CWC27: variants seen among roughly 807,000 people sequenced by gnomAD.
CWC27 encodes CWC27 spliceosome associated cyclophilin, also known as spliceosome-associated protein CWC27 homolog.
A neutral mutation model predicts 63.6 loss-of-function variants in CWC27; 47 were observed. That is an observed-to-expected ratio of 0.74 (90% CI 0.58 to 0.94). CWC27 has a LOEUF of 0.94. Among genes scored for constraint, CWC27 ranks in the 40% least tolerant of loss-of-function variants. The pLI, the probability that CWC27 is intolerant of heterozygous loss-of-function variation, is 0.00. For synonymous variants in CWC27, 175 were observed against 179.8 expected (o/e 0.97, Z 0.22); for missense variants, 495 against 554.3 (o/e 0.89, Z 1.07).
intron 13 of CWC27, among the ~76,000 whole-genome samples, chr5:64,997,535 A>G (rs1441913792): frequency 6.6e-6 from 1 of 152,140 alleles, no homozygotes. Context: ...TACCATTTCT[A>G]TAATATTTGA....
intron 10 of CWC27, among the ~76,000 whole-genome samples, chr5:64,840,387 AAAAAAAAATATATATAT>A (rs1745787905): frequency 3.8e-5 from 2 of 52,930 alleles, no homozygotes; most frequent in African/African-American, 1.6e-4. Context: ...AAAAAAAAAA[AAAAAAAAATATATATAT>A]ATATATATAT....
At chr5:64,881,987 A>G (rs923524808) in intron 10 of CWC27, among the ~76,000 whole-genome samples, 9 of 152,210 alleles carry the variant, frequency 5.9e-5, no homozygotes, top group African/African-American at 2.2e-4. Flanking sequence ...TAAATGGAAG[A>G]TGTGTTTGCT....
chr5:64,869,010 T>C (rs1324137558), intron 10 of CWC27, among the ~76,000 whole-genome samples: 1 of 152,092 alleles, frequency 6.6e-6, no homozygotes, highest in Admixed American at 6.6e-5. Flanking sequence ...TATGTACACA[T>C]ACTTGGAACA....
intron 11 of CWC27, among the ~76,000 whole-genome samples, chr5:64,944,584 T>C (rs1337617170): frequency 6.6e-6 from 1 of 152,236 alleles, no homozygotes; most frequent in Non-Finnish European, 1.5e-5. Context: ...TGATCTTATA[T>C]TTCAAACCTG....
intron 10 of CWC27, among the ~76,000 whole-genome samples, chr5:64,841,036 T>G (rs1745821158): frequency 6.6e-6 from 1 of 152,230 alleles, no homozygotes; most frequent in Non-Finnish European, 1.5e-5. Flanking sequence ...TCTTACCAAA[T>G]TTATACCCTG....
intron 10 of CWC27, among the ~76,000 whole-genome samples, chr5:64,869,305 A>T (rs1746608190): frequency 1.3e-5 from 2 of 152,058 alleles, no homozygotes; most frequent in Admixed American, 6.6e-5. Flanking sequence ...AATATAAATA[A>T]AGCATCTTTT....
chr5:64,935,902 T>C (rs1436260089), intron 11 of CWC27, among the ~76,000 whole-genome samples: 1 of 152,190 alleles, frequency 6.6e-6, no homozygotes, highest in Admixed American at 6.5e-5. Context: ...TCTCTGTTTG[T>C]CTATTATTGA....
intron 12 of CWC27, among the ~76,000 whole-genome samples, chr5:64,973,141 G>A (rs1304483126): frequency 1.3e-5 from 2 of 152,122 alleles, no homozygotes; most frequent in African/African-American, 4.8e-5. Flanking sequence ...AAATATGATT[G>A]TAACATAAAC....
chr5:65,006,795 C>T (rs1749849427), intron 13 of CWC27, among the ~76,000 whole-genome samples: 1 of 151,686 alleles, frequency 6.6e-6, no homozygotes, highest in Admixed American at 6.6e-5. Context: ...TCATGGAAAG[C>T]AAGAAATAAA....
At chr5:65,007,871 G>A (rs1262981012) in intron 13 of CWC27, among the ~76,000 whole-genome samples, 2 of 151,882 alleles carry the variant, frequency 1.3e-5, no homozygotes, top group South Asian at 2.1e-4. Flanking sequence ...CTCGTGATCC[G>A]CCCGCCTCGG....
At chr5:64,791,131 G>T (rs1456928677) in intron 7 of CWC27, among the ~76,000 whole-genome samples, 5 of 152,172 alleles carry the variant, frequency 3.3e-5, no homozygotes, top group Non-Finnish European at 7.4e-5. Flanking sequence ...GTCCTGGATA[G>T]TTAGGTTGAG....
At chr5:64,911,935 G>A (rs532426971) in intron 11 of CWC27, among the ~76,000 whole-genome samples, 9 of 152,052 alleles carry the variant, frequency 5.9e-5, no homozygotes, top group South Asian at 4.2e-4. Flanking sequence ...TTAGCCAACC[G>A]TGATGGCGGG....
rs532750617 is a variant in CWC27, at chr5:64,835,123, T to G, written c.938+30737T>G. 2.2e-4 allele frequency among the ~76,000 whole-genome samples: 34 copies of G among 151,942 alleles called. 1 individual carries two copies. In the Middle Eastern group the frequency reaches 0.027, roughly 122 times the overall value. ...ATAAGGGTAATTTTATTTATTTTTG[T>G]GAATAAAAAGCTATCATTTCAGGCA... On this transcript the variant is annotated intron_variant, in intron 10 of 13. Transcript: ENST00000381070.
chr5:64,979,781 C>G (rs1391218467), intron 13 of CWC27, among the ~76,000 whole-genome samples: 1 of 152,010 alleles, frequency 6.6e-6, no homozygotes, highest in Non-Finnish European at 1.5e-5. Flanking sequence ...TTTTATGTGT[C>G]CACATGAGTG....
chr5:64,869,969 C>G (rs573682616), intron 10 of CWC27, among the ~76,000 whole-genome samples: 2 of 151,796 alleles, frequency 1.3e-5, no homozygotes, highest in African/African-American at 2.4e-5. Context: ...CCCCATGGCT[C>G]TTAGGATGGG....
chr5:64,965,920 T>G (rs1749004817), intron 11 of CWC27, among the ~76,000 whole-genome samples: 1 of 152,186 alleles, frequency 6.6e-6, no homozygotes, highest in Non-Finnish European at 1.5e-5. Flanking sequence ...TAAGATATTA[T>G]CAGGGCAAAT....
At chr5:64,824,270 A>G (rs1745295828) in intron 10 of CWC27, among the ~76,000 whole-genome samples, 1 of 152,230 alleles carries the variant, frequency 6.6e-6, no homozygotes, top group African/African-American at 2.4e-5. Flanking sequence ...AAAAGAAAGC[A>G]TTGGTAATAA....
intron 11 of CWC27, among the ~76,000 whole-genome samples, chr5:64,913,824 A>G (rs931003072): frequency 4.6e-5 from 7 of 152,128 alleles, no homozygotes; most frequent in African/African-American, 1.4e-4. Flanking sequence ...AACAGGTTCT[A>G]TAGAACCTGA....
intron 12 of CWC27, 40 bp downstream of exon 12, chr5:64,971,852 T>C (rs908396816): frequency 3.8e-6 from 5 of 1,314,210 alleles, no homozygotes; most frequent in Middle Eastern, 2.0e-4. Context: ...ACTTATTGTC[T>C]TTTTATTGTT....
Sources: allele counts gnomAD v4.1 joint callset (sites outside exome capture counted in the v4.1 genomes callset), GRCh38; gene constraint gnomAD v4.1.1; transcripts MANE v1.5; gene names NCBI Gene and HGNC (gene_info 2026-07-23, HGNC 2026-07-21).